NRF1: variants seen among roughly 807,000 people sequenced by gnomAD.
NRF1 encodes alpha palindromic-binding protein.
NRF1 carries 5 observed loss-of-function variants against 58.5 expected under a neutral mutation model. That is an observed-to-expected ratio of 0.09 (90% CI 0.04 to 0.18). NRF1 has a LOEUF of 0.18. NRF1 is among the 10% of genes least tolerant of loss of function. The pLI, the probability that NRF1 is intolerant of heterozygous loss-of-function variation, is 1.00. For missense variants in NRF1, 288 were observed against 657.7 expected (o/e 0.44, Z 6.15); for synonymous variants, 224 against 246.7 (o/e 0.91, Z 0.86).
At chr7:129,639,485 A>G (rs1007798354) in intron 1 of NRF1, among the ~76,000 whole-genome samples, 3 of 151,886 alleles carry the variant, frequency 2.0e-5, no homozygotes, top group African/African-American at 7.3e-5. Flanking sequence ...ATACAAACAT[A>G]GAAATGGTGT....
At chr7:129,705,755 A>G (rs930522610) in intron 5 of NRF1, among the ~76,000 whole-genome samples, 4 of 152,128 alleles carry the variant, frequency 2.6e-5, no homozygotes, top group African/African-American at 9.7e-5. Context: ...TTCTCTACAA[A>G]AAGAAAAAAA....
At chr7:129,624,261 A>G (rs1345780331) in intron 1 of NRF1, among the ~76,000 whole-genome samples, 2 of 152,062 alleles carry the variant, frequency 1.3e-5, no homozygotes, top group African/African-American at 4.8e-5. Context: ...ATAGGTGGTC[A>G]TATATATATA....
chr7:129,645,157 A>G (rs1202750375), intron 1 of NRF1, among the ~76,000 whole-genome samples: 1 of 152,144 alleles, frequency 6.6e-6, no homozygotes, highest in Non-Finnish European at 1.5e-5. Flanking sequence ...ACTATATACC[A>G]TGTCCCCTTA....
chr7:129,672,981 A>C (rs1356141810), intron 3 of NRF1, among the ~76,000 whole-genome samples: 1 of 152,156 alleles, frequency 6.6e-6, no homozygotes, highest in African/African-American at 2.4e-5. Context: ...GAGGTTAGAG[A>C]GATTAAAGGA....
rs1804232171 is a variant in NRF1 at position 129,755,536 on chromosome 7, T to C, written c.*355T>C. ...CATACACATTTACATATATATAAAG[T>C]ATATATATACATATATATATATATA... On this transcript the variant is annotated 3_prime_UTR_variant, in exon 11 of 11. Transcript: ENST00000393232. The surrounding 1 kb of genome is among the most constrained non-coding windows in gnomAD (Gnocchi z 5.8). 3 of 31,838 alleles carry C rather than the reference T, an allele frequency of 9.4e-5. No individual in the cohort carries two copies. The highest frequency in any genetic ancestry group is 2.5e-3 in the South Asian group (2 of 812). 2.0% of individuals were successfully genotyped at this position (31,838 alleles called of 1,614,324 possible). A position where few individuals can be genotyped will look rare whatever the true frequency, so the allele number is the denominator to read the frequency against.
At chr7:129,630,635 G>A (rs895127292) in intron 1 of NRF1, among the ~76,000 whole-genome samples, 2 of 151,992 alleles carry the variant, frequency 1.3e-5, no homozygotes, top group Admixed American at 6.6e-5. Flanking sequence ...TTGTTTTGTC[G>A]TTGTGAGGCA....
At chr7:129,677,984 G>C (rs1802221356) in intron 4 of NRF1, among the ~76,000 whole-genome samples, 1 of 151,902 alleles carries the variant, frequency 6.6e-6, no homozygotes, top group African/African-American at 2.4e-5. Flanking sequence ...TGCAATGGGT[G>C]GCCGGGGGAA....
At chr7:129,660,650 A>G (rs1801758453) in intron 2 of NRF1, among the ~76,000 whole-genome samples, 1 of 150,920 alleles carries the variant, frequency 6.6e-6, no homozygotes, top group South Asian at 2.1e-4. Context: ...ATGCTGATAC[A>G]AGAGGTGGGG....
intron 5 of NRF1, among the ~76,000 whole-genome samples, chr7:129,691,273 C>G (rs963074422): frequency 6.6e-6 from 1 of 151,866 alleles, no homozygotes; most frequent in Non-Finnish European, 1.5e-5. Flanking sequence ...ATGAAATTAT[C>G]CCCTTTATAT....
intron 1 of NRF1, among the ~76,000 whole-genome samples, 155 bp downstream of exon 1, chr7:129,611,979 G>A (rs1320371056): frequency 2.0e-5 from 3 of 148,622 alleles, no homozygotes; most frequent in Non-Finnish European, 4.5e-5. Context: ...CGCCTCGGGC[G>A]GGGGGCCCCG....
chr7:129,705,275 G>GT (rs560251999), intron 5 of NRF1, among the ~76,000 whole-genome samples: 1 of 151,680 alleles, frequency 6.6e-6, no homozygotes, highest in South Asian at 2.1e-4. Context: ...AGTCTTGTGG[G>GT]TTTTTTTTGT....
intron 8 of NRF1, among the ~76,000 whole-genome samples, chr7:129,713,422 G>A (rs1403621772): frequency 6.6e-6 from 1 of 152,242 alleles, no homozygotes; most frequent in Non-Finnish European, 1.5e-5. Context: ...CATTAGAGAC[G>A]TGAATTTTAA....
intron 4 of NRF1, among the ~76,000 whole-genome samples, chr7:129,690,200 C>A (rs577488780): frequency 6.6e-6 from 1 of 152,264 alleles, no homozygotes; most frequent in East Asian, 1.9e-4. Flanking sequence ...TTGTTGTTAC[C>A]TGCAATTTCA....
At chr7:129,670,639 T>C (rs1298897571) in intron 2 of NRF1, among the ~76,000 whole-genome samples, 1 of 152,210 alleles carries the variant, frequency 6.6e-6, no homozygotes, top group African/African-American at 2.4e-5. Flanking sequence ...TAAAATGTCT[T>C]TTTAAAAAGA....
intron 1 of NRF1, among the ~76,000 whole-genome samples, chr7:129,617,083 T>C (rs1800674603): frequency 1.3e-5 from 2 of 152,196 alleles, no homozygotes; most frequent in Admixed American, 6.5e-5. Flanking sequence ...TGGTAACAAA[T>C]GTGAAAAGTT....
intron 5 of NRF1, among the ~76,000 whole-genome samples, chr7:129,701,924 A>G (rs994016633): frequency 6.6e-6 from 1 of 152,210 alleles, no homozygotes; most frequent in African/African-American, 2.4e-5. Context: ...CTACCATGAG[A>G]AGATCTCTAT....
intron 5 of NRF1, among the ~76,000 whole-genome samples, chr7:129,703,963 A>G (rs1354392013): frequency 6.6e-6 from 1 of 152,160 alleles, no homozygotes; most frequent in African/African-American, 2.4e-5. Context: ...TCATCTTTGA[A>G]AAGTTTCCCA....
At position 129,744,170 on chromosome 7, in the gene NRF1, C is replaced by T. The variant is rs780783788; in HGVS notation, c.1349-10848C>T. 6 of 1,403,828 alleles carry T rather than the reference C, an allele frequency of 4.3e-6. No homozygotes were observed. The African/African-American group carries it at 9.0e-5, about 21-fold the overall frequency. The allele number at this position is 1,403,828 out of a possible 1,614,324, so 87.0% of individuals were successfully genotyped here. On this transcript the variant is annotated intron_variant, in intron 10 of 10. Coordinates refer to ENST00000393232, the MANE Select transcript of NRF1 (RefSeq NM_005011.5). ...TTTTTTAACAGTTCTGTGTTATTGT[C>T]AGGCCTCTTTATGGCAGATCGTGCA...
intron 5 of NRF1, among the ~76,000 whole-genome samples, chr7:129,695,435 G>A (rs749407349): frequency 1.3e-5 from 2 of 152,010 alleles, no homozygotes; most frequent in African/African-American, 4.8e-5. Context: ...AAATCAGCCA[G>A]GTGTGGTGGC....
Sources: allele counts gnomAD v4.1 joint callset (sites outside exome capture counted in the v4.1 genomes callset), GRCh38; gene constraint gnomAD v4.1.1; non-coding constraint Gnocchi (gnomAD v3.1); transcripts MANE v1.5; gene names NCBI Gene and HGNC (gene_info 2026-07-23, HGNC 2026-07-21).